EPB41L4A: variants seen among roughly 807,000 people sequenced by gnomAD.
EPB41L4A encodes erythrocyte membrane protein band 4.1 like 4A.
In EPB41L4A, 100 loss-of-function variants were observed where a neutral mutation model predicts 108.6. The ratio of observed to expected loss-of-function variants is 0.92; its 90% confidence interval spans 0.78 to 1.09. EPB41L4A has a LOEUF of 1.09. Among genes scored for constraint, EPB41L4A ranks in the 50% least tolerant of loss-of-function variants. The pLI, the probability that EPB41L4A is intolerant of heterozygous loss-of-function variation, is 0.00. For missense variants in EPB41L4A, 1,030 were observed against 842.7 expected (o/e 1.22, Z -2.75); for synonymous variants, 319 against 289.0 (o/e 1.10, Z -1.05).
At chr5:112,239,633 C>G (rs762353462) in intron 11 of EPB41L4A, 27 bp downstream of exon 11, 1 of 1,440,330 alleles carries the variant, frequency 6.9e-7, no homozygotes, top group Non-Finnish European at 9.5e-7. Context: ...ACAAACACAT[C>G]CCCCCAAGGA....
intron 18 of EPB41L4A, among the ~76,000 whole-genome samples, chr5:112,174,914 C>G (rs987952664): frequency 2.0e-5 from 3 of 152,054 alleles, no homozygotes; most frequent in African/African-American, 4.8e-5. Context: ...CCTGACGGGT[C>G]AAAATAAATC....
At chr5:112,307,552 T>A in intron 1 of EPB41L4A, 62 bp from the exon 2 acceptor site, 1 of 1,021,054 alleles carries the variant, frequency 9.8e-7, no homozygotes, top group Non-Finnish European at 1.5e-6. Context: ...TAGTACACAG[T>A]CATGGTTCTC....
chr5:112,404,834 C>T (rs908466429), intron 1 of EPB41L4A, among the ~76,000 whole-genome samples: 3 of 152,180 alleles, frequency 2.0e-5, no homozygotes, highest in Non-Finnish European at 4.4e-5. Context: ...CCAGATCCCC[C>T]GTCTTCCTCC....
chr5:112,393,343 G>A (rs1240639348), intron 1 of EPB41L4A, among the ~76,000 whole-genome samples: 1 of 152,044 alleles, frequency 6.6e-6, no homozygotes, highest in Non-Finnish European at 1.5e-5. Context: ...TAGACCGCTA[G>A]CAAGACTAAT....
intron 22 of EPB41L4A, among the ~76,000 whole-genome samples, chr5:112,167,862 A>G (rs1760344651): frequency 6.6e-6 from 1 of 152,248 alleles, no homozygotes; most frequent in South Asian, 2.1e-4. Context: ...AGGGCCATAC[A>G]TGATAGATAC....
chr5:112,185,903 T>C (rs562371974), intron 17 of EPB41L4A, among the ~76,000 whole-genome samples: 9 of 152,212 alleles, frequency 5.9e-5, no homozygotes, highest in African/African-American at 2.2e-4. Context: ...CCATTCTGTG[T>C]TCATGTGACA....
intron 9 of EPB41L4A, chr5:112,256,823 G>GT (rs767825976): frequency 6.6e-6 from 1 of 152,086 alleles, no homozygotes; most frequent in Non-Finnish European, 1.5e-5. Context: ...TGACCTCTGA[G>GT]TTTTAGGATA....
chr5:112,248,545 C>T (rs1750403265), intron 9 of EPB41L4A, among the ~76,000 whole-genome samples: 1 of 152,152 alleles, frequency 6.6e-6, no homozygotes. Flanking sequence ...AGTCCAATAT[C>T]ATGTGGATAT....
intron 13 of EPB41L4A, among the ~76,000 whole-genome samples, chr5:112,208,742 AT>A: frequency 6.6e-6 from 1 of 152,278 alleles, no homozygotes; most frequent in Non-Finnish European, 1.5e-5. Context: ...GAAAAAATAA[AT>A]TTTTAAAAGG....
chr5:112,326,802 C>T (rs1561574405), intron 1 of EPB41L4A, among the ~76,000 whole-genome samples: 1 of 150,932 alleles, frequency 6.6e-6, no homozygotes, highest in Non-Finnish European at 1.5e-5. Context: ...TAGCCATTTA[C>T]ACATCTACAC....
intron 18 of EPB41L4A, among the ~76,000 whole-genome samples, chr5:112,177,548 C>A (rs1319294602): frequency 2.0e-5 from 3 of 152,142 alleles, no homozygotes; most frequent in African/African-American, 7.2e-5. Flanking sequence ...GGTCATTATT[C>A]TTCCCACCAC....
intron 19 of EPB41L4A, 66 bp from the exon 20 acceptor site, chr5:112,170,435 T>C: frequency 9.5e-7 from 1 of 1,048,470 alleles, no homozygotes; most frequent in East Asian, 2.4e-5. Context: ...TCTTTCACAA[T>C]CGGCAGGTGA....
intron 3 of EPB41L4A, among the ~76,000 whole-genome samples, chr5:112,277,778 C>G (rs1486822630): frequency 6.6e-6 from 1 of 152,138 alleles, no homozygotes; most frequent in Non-Finnish European, 1.5e-5. Context: ...ACATTTTGGA[C>G]AAGGATATGT....
At chr5:112,179,157 T>C (rs1191584230) in intron 18 of EPB41L4A, among the ~76,000 whole-genome samples, 1 of 152,042 alleles carries the variant, frequency 6.6e-6, no homozygotes, top group Non-Finnish European at 1.5e-5. Context: ...TACACATAAG[T>C]ATAAAATATG....
chr5:112,146,860 G>A (rs1759278724), intron 12 of EPB41L4A, among the ~76,000 whole-genome samples: 1 of 152,104 alleles, frequency 6.6e-6, no homozygotes, highest in Non-Finnish European at 1.5e-5. Flanking sequence ...TGTCTGAATT[G>A]GAATGCATAA....
Position 112,259,186 on chromosome 5 carries a change from A to C in EPB41L4A, c.795+43T>G, listed in dbSNP as rs373590722. 4.2e-6 allele frequency: 6 copies of C among 1,437,198 alleles called. No individual in the cohort carries two copies. In the East Asian group the frequency reaches 1.4e-4, roughly 33 times the overall value. 89.0% of individuals were successfully genotyped at this position (1,437,198 alleles called of 1,614,324 possible). A position where few individuals can be genotyped will look rare whatever the true frequency, so the allele number is the denominator to read the frequency against. On this transcript the variant is annotated intron_variant, in intron 9 of 22. Coordinates refer to ENST00000261486, the MANE Select transcript of EPB41L4A (RefSeq NM_022140.5). ...CTTTTAAGCTACAAATGAACACACA[A>C]GACACCCCTCTTCTAATTTAAGCTA...
chr5:112,375,512 C>A (rs1209754581), intron 1 of EPB41L4A, among the ~76,000 whole-genome samples: 2 of 152,012 alleles, frequency 1.3e-5, no homozygotes, highest in Admixed American at 1.3e-4. Context: ...GCAACAGATT[C>A]CAACACCAAG....
rs552980104 is a variant in EPB41L4A at position 112,267,177 on chromosome 5, C to G, written c.336-847G>C. Reference sequence around the variant, plus strand: ...GAGGTTTATGAACCAACATAATTAACCATCCACATCATCCTCAGATGCTAG... The same window carrying G: ...GAGGTTTATGAACCAACATAATTAAGCATCCACATCATCCTCAGATGCTAG... On this transcript the variant is annotated intron_variant, in intron 4 of 22. Transcript: ENST00000261486. Among the ~76,000 whole-genome samples the G allele has an allele frequency of 4.6e-5, 7 of 152,216 alleles. No individual in the cohort carries two copies. The East Asian group carries it at 1.4e-3, about 29-fold the overall frequency.
intron 1 of EPB41L4A, among the ~76,000 whole-genome samples, chr5:112,401,124 C>T (rs1761720866): frequency 6.6e-6 from 1 of 152,154 alleles, no homozygotes; most frequent in South Asian, 2.1e-4. Flanking sequence ...ACTGATTTTC[C>T]TGGCCCCTAT....
Sources: gnomAD v4.1 joint callset for allele counts (sites outside exome capture counted in the v4.1 genomes callset) on GRCh38, gnomAD v4.1.1 for gene constraint, MANE v1.5 for transcripts, NCBI Gene and HGNC (gene_info 2026-07-23, HGNC 2026-07-21) for gene names.